LBR: variants seen among roughly 807,000 people sequenced by gnomAD.
LBR encodes lamin B receptor, also known as delta(14)-sterol reductase LBR.
In LBR, 28 loss-of-function variants were observed where a neutral mutation model predicts 74.3. That is an observed-to-expected ratio of 0.38 (90% CI 0.28 to 0.52). The LOEUF is 0.52. LBR is among the 20% of genes least tolerant of loss of function. The pLI is 0.89. For missense variants in LBR, 717 were observed against 760.3 expected, an observed-to-expected ratio of 0.94 and a Z score of 0.67; for synonymous variants, 228 against 269.3, an observed-to-expected ratio of 0.85 and a Z score of 1.50.
At chr1:225,423,882 A>G in intron 2 of LBR, 29 bp downstream of exon 2, 1 of 1,597,472 alleles carries the variant, frequency 6.3e-7, no homozygotes, top group South Asian at 1.1e-5. Context: ...TACTGTAAAC[A>G]CACTCTGATA....
At chr1:225,427,012 G>T (rs1426754712) in intron 1 of LBR, among the ~76,000 whole-genome samples, 1 of 152,220 alleles carries the variant, frequency 6.6e-6, no homozygotes, top group African/African-American at 2.4e-5. Flanking sequence ...CGTAACTACA[G>T]ATCTACACGT....
At chr1:225,424,278 T>TAAA (rs1321770124) in intron 1 of LBR, among the ~76,000 whole-genome samples, 189 bp from the exon 2 acceptor site, 3 of 152,018 alleles carry the variant, frequency 2.0e-5, no homozygotes, top group African/African-American at 7.2e-5. Context: ...GTTATCTATG[T>TAAA]GACACTAAAG....
chr1:225,412,725 A>C, intron 7 of LBR, 80 bp from the exon 8 acceptor site: 6 of 1,213,478 alleles, frequency 4.9e-6, no homozygotes, highest in Non-Finnish European at 7.0e-6. Flanking sequence ...CTATGAAACA[A>C]TGCAATGTTC....
chr1:225,401,585 A>G lies in LBR; in HGVS notation c.*1718T>C, dbSNP rs1380479243. On this transcript the variant is annotated 3_prime_UTR_variant, in exon 14 of 14. Transcript: ENST00000272163. The stretch of plus-strand genomic sequence containing the variant: ...AATAAACATGTCAAAAACAAACTTA[A>G]AAACAAAGTGTAGCTGATATCCAGA... 6.6e-6 allele frequency: 1 copy of G among 152,230 alleles called. No individual in the cohort carries two copies. The highest frequency in any genetic ancestry group is 6.5e-5 in the Admixed American group (1 of 15,286). 9.4% of individuals were successfully genotyped at this position (152,230 alleles called of 1,614,324 possible). A position where few individuals can be genotyped will look rare whatever the true frequency, so the allele number is the denominator to read the frequency against.
intron 7 of LBR, among the ~76,000 whole-genome samples, chr1:225,413,336 C>G (rs1036489105): frequency 2.6e-5 from 4 of 152,346 alleles, no homozygotes; most frequent in Admixed American, 2.0e-4. Flanking sequence ...AACTCTCGTT[C>G]CGGGCTAGTC....
At chr1:225,425,252 T>G (rs2096136795) in intron 1 of LBR, among the ~76,000 whole-genome samples, 1 of 152,104 alleles carries the variant, frequency 6.6e-6, no homozygotes, top group African/African-American at 2.4e-5. Flanking sequence ...GGGAGGCCTT[T>G]CTTAACCACC....
intron 3 of LBR, among the ~76,000 whole-genome samples, chr1:225,420,899 A>G (rs535219245): frequency 3.4e-4 from 52 of 152,324 alleles, no homozygotes; most frequent in African/African-American, 1.3e-3. Flanking sequence ...AATCTGCACC[A>G]TACAGCTGAC....
intron 3 of LBR, 64 bp from the exon 4 acceptor site, chr1:225,419,862 G>A (rs2096124429): frequency 8.5e-7 from 1 of 1,176,854 alleles, no homozygotes; most frequent in Non-Finnish European, 1.3e-6. Flanking sequence ...AAACATGATG[G>A]TAAAAACTTA....
intron 4 of LBR, 94 bp from the exon 5 acceptor site, chr1:225,419,546 A>G (rs1237462225): frequency 2.0e-6 from 2 of 986,280 alleles, no homozygotes; most frequent in African/African-American, 1.6e-5. Flanking sequence ...ACAGCTATAC[A>G]CTAGTAAGAA....
chr1:225,407,376 A>C (rs1246143388), intron 10 of LBR, among the ~76,000 whole-genome samples: 1 of 151,998 alleles, frequency 6.6e-6, no homozygotes, highest in Admixed American at 6.6e-5. Flanking sequence ...AAGATCACCA[A>C]CTCTTTTTGT....
At chr1:225,423,289 C>A (rs1393556274) in intron 2 of LBR, among the ~76,000 whole-genome samples, 4 of 152,102 alleles carry the variant, frequency 2.6e-5, no homozygotes, top group Non-Finnish European at 2.9e-5. Flanking sequence ...TCTTAAAACC[C>A]AGGCCCTCAC....
intron 6 of LBR, chr1:225,417,631 C>A (rs963083884): frequency 4.9e-6 from 1 of 204,814 alleles, no homozygotes; most frequent in Non-Finnish European, 1.0e-5. Flanking sequence ...TCCATAGCAA[C>A]CTCCACTGAG....
At chr1:225,419,090 C>T (rs1157866538) in intron 5 of LBR, among the ~76,000 whole-genome samples, 173 bp downstream of exon 5, 1 of 152,192 alleles carries the variant, frequency 6.6e-6, no homozygotes, top group Non-Finnish European at 1.5e-5. Flanking sequence ...ATGCTCCCAC[C>T]TCAAGCCTTT....
intron 7 of LBR, chr1:225,413,923 G>C: frequency 2.2e-6 from 1 of 456,908 alleles, no homozygotes; most frequent in Non-Finnish European, 4.4e-6. Flanking sequence ...CCCTCAGAGG[G>C]AAGTGAAAAT....
At chr1:225,417,714 AT>A (rs1197486422) in intron 6 of LBR, 236 of 319,882 alleles carry the variant, frequency 7.4e-4, no homozygotes, top group Middle Eastern at 1.8e-3. Context: ...TCTCAATCAG[AT>A]TTTTTTTTAA....
chr1:225,423,774 A>C (rs1296285796), intron 2 of LBR, 137 bp downstream of exon 2: 1 of 828,688 alleles, frequency 1.2e-6, no homozygotes, highest in Non-Finnish European at 2.1e-6. Context: ...AGCCAAAAAC[A>C]GTATGTGACC....
chr1:225,428,723 G>A (rs1254728521), upstream of LBR: 1 of 152,190 alleles, frequency 6.6e-6, no homozygotes, highest in African/African-American at 2.4e-5. Flanking sequence ...GGAGGGGCTC[G>A]GTTGTTACCC....
At chr1:225,412,088 G>A (rs899909364) in intron 8 of LBR, among the ~76,000 whole-genome samples, 5 of 152,352 alleles carry the variant, frequency 3.3e-5, no homozygotes, top group Admixed American at 3.3e-4. Context: ...GGGATTACAG[G>A]CATGAGCCAC....
In LBR at chr1:225,411,424, A is replaced by C. The variant is rs1211967159; in HGVS notation, c.1101T>G (p.Asp367Glu). 6.2e-7 allele frequency: 1 copy of C among 1,613,202 alleles called. No individual in the cohort carries two copies. The highest frequency in any genetic ancestry group is 1.3e-5 in the African/African-American group (1 of 74,936). Reference sequence around the variant, plus strand: ...GGTTTAATTCACGGCCAATGAAGAAATCATAGACAGCATTTCCTGAGAAAG... The same window carrying C: ...GGTTTAATTCACGGCCAATGAAGAACTCATAGACAGCATTTCCTGAGAAAG... Reference protein sequence around the residue: ...SPASSGNAVYDFFIGRELNPR... With the variant: ...SPASSGNAVYEFFIGRELNPR... Residue 367 changes from aspartate (D) to glutamate (E), a missense_variant, in exon 9 of 14, where the codon GAT becomes GAG. By Grantham distance (45) the Asp-to-Glu change is conservative. Transcript: ENST00000272163.
Sources: gnomAD v4.1 joint callset for allele counts (sites outside exome capture counted in the v4.1 genomes callset) on GRCh38, gnomAD v4.1.1 for gene constraint, MANE v1.5 for transcripts, NCBI Gene and HGNC (gene_info 2026-07-23, HGNC 2026-07-21) for gene names.